The following NCALD variants were observed in gnomAD, a reference collection of about 807,000 sequenced individuals.
NCALD encodes the protein neurocalcin-delta.
A neutral mutation model predicts 18.6 loss-of-function variants in NCALD; 10 were observed. That is an observed-to-expected ratio of 0.54 (90% CI 0.33 to 0.91). The LOEUF is 0.91. Ranked by LOEUF, NCALD falls within the 40% of genes least tolerant of loss-of-function variation. The pLI, the probability that NCALD is intolerant of heterozygous loss-of-function variation, is 0.03. For missense variants in NCALD, 184 were observed against 247.6 expected, an observed-to-expected ratio of 0.74 and a Z score of 1.72; for synonymous variants, 88 against 87.4, an observed-to-expected ratio of 1.01 and a Z score of -0.04.
intron 3 of NCALD, among the ~76,000 whole-genome samples, chr8:101,895,154 G>C (rs988598196): frequency 2.4e-4 from 36 of 151,254 alleles, no homozygotes; most frequent in South Asian, 1.0e-3. Flanking sequence ...ACATCAACAA[G>C]CTTATCCACC....
intron 1 of NCALD, among the ~76,000 whole-genome samples, chr8:102,029,564 G>A (rs1020250544): frequency 3.3e-5 from 5 of 152,180 alleles, no homozygotes; most frequent in Non-Finnish European, 5.9e-5. Context: ...TCTGTTTCAT[G>A]TGCTGGGCCA....
At chr8:102,068,405 G>C (rs754746796) in intron 1 of NCALD, among the ~76,000 whole-genome samples, 1 of 152,162 alleles carries the variant, frequency 6.6e-6, no homozygotes, top group African/African-American at 2.4e-5. Context: ...CCTGTTTCTT[G>C]CGTAGGCCAC....
chr8:101,702,253 C>T (rs1278550173), intron 2 of NCALD, among the ~76,000 whole-genome samples: 1 of 150,982 alleles, frequency 6.6e-6, no homozygotes, highest in Non-Finnish European at 1.5e-5. Context: ...TTCTTTGAGA[C>T]AGGGTCTCAC....
chr8:101,691,357 C>G, intron 3 of NCALD: 1 of 985,372 alleles, frequency 1.0e-6, no homozygotes, highest in African/African-American at 1.7e-5. Context: ...TCTGAGAATG[C>G]TAACTCAGTC....
At chr8:102,090,777 T>G (rs192385444) in intron 1 of NCALD, among the ~76,000 whole-genome samples, 1 of 152,340 alleles carries the variant, frequency 6.6e-6, no homozygotes, top group East Asian at 1.9e-4. Flanking sequence ...TATTCTTAAT[T>G]ATGGCAATAC....
intron 2 of NCALD, among the ~76,000 whole-genome samples, chr8:101,999,981 T>C (rs906623718): frequency 6.6e-6 from 1 of 152,192 alleles, no homozygotes; most frequent in Non-Finnish European, 1.5e-5. Flanking sequence ...GAACGATTTC[T>C]GCAGTTCCAA....
At chr8:101,885,116 A>G (rs1489082752) in intron 4 of NCALD, among the ~76,000 whole-genome samples, 2 of 152,196 alleles carry the variant, frequency 1.3e-5, no homozygotes, top group East Asian at 3.8e-4. Flanking sequence ...ATAACTAAGA[A>G]GCTAGTCACA....
intron 1 of NCALD, among the ~76,000 whole-genome samples, chr8:101,729,321 T>C (rs892845219): frequency 2.0e-5 from 3 of 152,182 alleles, no homozygotes; most frequent in Non-Finnish European, 2.9e-5. Flanking sequence ...AGTTATATAA[T>C]AATCTCACTA....
chr8:101,994,461 C>G (rs903776367), intron 2 of NCALD, among the ~76,000 whole-genome samples: 1 of 152,216 alleles, frequency 6.6e-6, no homozygotes, highest in East Asian at 1.9e-4. Context: ...CCTTCTCTTC[C>G]TGATCCATCC....
intron 2 of NCALD, among the ~76,000 whole-genome samples, chr8:101,953,549 G>T (rs2131819692): frequency 6.6e-6 from 1 of 152,338 alleles, no homozygotes; most frequent in East Asian, 1.9e-4. Context: ...AAGGGCCAGG[G>T]TTTAAAATGA....
chr8:102,110,951 G>C (rs1825620875), intron 1 of NCALD, among the ~76,000 whole-genome samples: 1 of 151,820 alleles, frequency 6.6e-6, no homozygotes, highest in African/African-American at 2.4e-5. Flanking sequence ...AAAATGTTTG[G>C]GACGTATGGT....
At chr8:101,955,482 G>A (rs1819589251) in intron 2 of NCALD, among the ~76,000 whole-genome samples, 1 of 152,048 alleles carries the variant, frequency 6.6e-6, no homozygotes. Flanking sequence ...AGACATCTGG[G>A]GTCTAAAATG....
chr8:101,836,792 G>A (rs1814431046), intron 4 of NCALD, among the ~76,000 whole-genome samples: 1 of 152,120 alleles, frequency 6.6e-6, no homozygotes, highest in Admixed American at 6.5e-5. Context: ...GGCAAAATGA[G>A]GTTGGCCCAA....
chr8:102,105,117 G>A (rs1825403653), intron 1 of NCALD, among the ~76,000 whole-genome samples: 1 of 152,116 alleles, frequency 6.6e-6, no homozygotes. Context: ...GCCAGCCTTT[G>A]CCTTTACAAT....
chr8:102,108,985 A>C (rs554976560), intron 1 of NCALD, among the ~76,000 whole-genome samples: 1 of 152,214 alleles, frequency 6.6e-6, no homozygotes, highest in African/African-American at 2.4e-5. Flanking sequence ...CTGTAAAATG[A>C]GATCGTATCT....
At chr8:101,794,716 T>C (rs1214337910), upstream of NCALD, among the ~76,000 whole-genome samples, 1 of 152,180 alleles carries the variant, frequency 6.6e-6, no homozygotes, top group African/African-American at 2.4e-5. Context: ...CTATTCCATA[T>C]TTCACAATTG....
chr8:102,083,229 A>G (rs1268166926), intron 1 of NCALD, among the ~76,000 whole-genome samples: 2 of 152,228 alleles, frequency 1.3e-5, no homozygotes, highest in Non-Finnish European at 2.9e-5. Flanking sequence ...TTAAATCTAC[A>G]AACTCAAGCC....
At chr8:102,120,814 A>G (rs1442764791) in intron 1 of NCALD, among the ~76,000 whole-genome samples, 2 of 152,218 alleles carry the variant, frequency 1.3e-5, no homozygotes, top group South Asian at 2.1e-4. Flanking sequence ...TACACACTCA[A>G]TAAATGCCAA....
chr8:101,692,082 C>T, intron 3 of NCALD: 1 of 972,762 alleles, frequency 1.0e-6, no homozygotes, highest in Non-Finnish European at 1.2e-6. Flanking sequence ...TTAGGCTAAT[C>T]CTAACAACTG....
Sources: gnomAD v4.1 joint callset for allele counts (sites outside exome capture counted in the v4.1 genomes callset) on GRCh38, gnomAD v4.1.1 for gene constraint, MANE v1.5 for transcripts, NCBI Gene and HGNC (gene_info 2026-07-23, HGNC 2026-07-21) for gene names.